The following RNF8 variants were observed in gnomAD, a reference collection of about 807,000 sequenced individuals.
RNF8 encodes ring finger protein 8.
RNF8 carries 8 observed loss-of-function variants against 59.3 expected under a neutral mutation model. The observed-to-expected ratio is 0.13, with a 90% CI of 0.08 to 0.24. RNF8 has a LOEUF of 0.24. RNF8 is among the 10% of genes least tolerant of loss of function. The probability of loss-of-function intolerance (pLI) is 1.00; values close to 1 mark genes in which losing one functional copy is unlikely to be tolerated. For synonymous variants in RNF8, 162 were observed against 200.0 expected, an observed-to-expected ratio of 0.81 and a Z score of 1.60; for missense variants, 406 against 572.6, an observed-to-expected ratio of 0.71 and a Z score of 2.97.
intron 6 of RNF8, among the ~76,000 whole-genome samples, chr6:37,377,749 T>C (rs555495866): frequency 6.6e-6 from 1 of 152,346 alleles, no homozygotes; most frequent in Non-Finnish European, 1.5e-5. Flanking sequence ...AATATGCTTA[T>C]AGTGCAACCT....
Position 37,394,227 on chromosome 6 carries a change from T to C in RNF8, c.*3469T>C, listed in dbSNP as rs866506234. On this transcript the variant is annotated 3_prime_UTR_variant, in exon 8 of 8. Coordinates refer to ENST00000373479, the MANE Select transcript of RNF8 (RefSeq NM_003958.4). ...GGCCTGATTGGAACAGGATCTGCCA[T>C]TGGTCACAATAGGTCAAGGGCTTGT... The C allele has an allele frequency of 2.2e-4, 34 of 152,298 alleles. No homozygotes were observed. The highest frequency in any genetic ancestry group is 6.5e-4 in the African/African-American group (27 of 41,558). The allele number at this position is 152,298 out of a possible 1,614,324, so 9.4% of individuals were successfully genotyped here. A position where few individuals can be genotyped will look rare whatever the true frequency, so the allele number is the denominator to read the frequency against.
Position 37,354,136 on chromosome 6 carries a change from T to C in RNF8, c.-29T>C. The stretch of plus-strand genomic sequence containing the variant: ...GAACCTAGGTCAGGGTCTCGCTCGG[T>C]GCTGACCGCCCCCGGGGTCGAGTAG... On this transcript the variant is annotated 5_prime_UTR_variant, in exon 1 of 8. Transcript: ENST00000373479. The C allele has an allele frequency of 6.4e-7, 1 of 1,552,170 alleles. No individual in the cohort carries two copies. The highest frequency in any genetic ancestry group is 8.7e-7 in the Non-Finnish European group (1 of 1,146,014).
intron 4 of RNF8, 53 bp from the exon 5 acceptor site, chr6:37,374,567 A>AG: frequency 7.4e-7 from 1 of 1,352,802 alleles, no homozygotes; most frequent in Non-Finnish European, 1.1e-6. Flanking sequence ...TGTGGCTAAA[A>AG]GGAAGGATGC....
At chr6:37,363,551 A>T (rs1769412104) in intron 2 of RNF8, among the ~76,000 whole-genome samples, 1 of 152,228 alleles carries the variant, frequency 6.6e-6, no homozygotes, top group Non-Finnish European at 1.5e-5. Context: ...TTTAAATTAA[A>T]ACCATAATGG....
chr6:37,363,395 C>T (rs1253340995), intron 2 of RNF8, among the ~76,000 whole-genome samples: 3 of 152,124 alleles, frequency 2.0e-5, no homozygotes, highest in Non-Finnish European at 2.9e-5. Context: ...ACATTATAGT[C>T]AATGAAGGGT....
At chr6:37,381,445 TAAAC>T in intron 7 of RNF8, 91 bp downstream of exon 7, 1 of 1,159,188 alleles carries the variant, frequency 8.6e-7, no homozygotes, top group Non-Finnish European at 1.2e-6. Context: ...AAGAGTCAGA[TAAAC>T]AATTCTTGAA....
intron 4 of RNF8, among the ~76,000 whole-genome samples, chr6:37,372,686 T>C (rs1562091503): frequency 6.6e-6 from 1 of 152,202 alleles, no homozygotes; most frequent in Non-Finnish European, 1.5e-5. Context: ...GTGATACTTT[T>C]AGACCGGGCA....
At chr6:37,370,628 C>G (rs1769761764) in intron 3 of RNF8, among the ~76,000 whole-genome samples, 2 of 151,680 alleles carry the variant, frequency 1.3e-5, no homozygotes, top group Admixed American at 1.3e-4. Context: ...CTCCCTCTGC[C>G]CACCAAGCCC....
chr6:37,375,949 C>T (rs905891126), intron 5 of RNF8, among the ~76,000 whole-genome samples: 6 of 152,096 alleles, frequency 3.9e-5, no homozygotes, highest in East Asian at 1.9e-4. Flanking sequence ...TGGGGAAAGC[C>T]GGGGAGATGG....
intron 5 of RNF8, among the ~76,000 whole-genome samples, chr6:37,376,395 A>G (rs1375996599): frequency 6.6e-6 from 1 of 152,236 alleles, no homozygotes; most frequent in Non-Finnish European, 1.5e-5. Context: ...TGCGTAGCTT[A>G]AAAACAACAG....
At chr6:37,374,192 G>T (rs1484355660) in intron 4 of RNF8, among the ~76,000 whole-genome samples, 1 of 152,146 alleles carries the variant, frequency 6.6e-6, no homozygotes, top group African/African-American at 2.4e-5. Flanking sequence ...CATAAAAGCT[G>T]CTTCCAGTTC....
chr6:37,371,113 G>T (rs1012473708), intron 3 of RNF8, among the ~76,000 whole-genome samples: 1 of 152,146 alleles, frequency 6.6e-6, no homozygotes, highest in Non-Finnish European at 1.5e-5. Context: ...GGCCAGAGTA[G>T]AGGGAAAAGA....
chr6:37,363,766 C>G (rs1354407144), intron 2 of RNF8, among the ~76,000 whole-genome samples: 1 of 152,144 alleles, frequency 6.6e-6, no homozygotes, highest in East Asian at 1.9e-4. Context: ...GGAAACAGCC[C>G]AAATGTCCAT....
chr6:37,360,416 G>A lies in RNF8; in HGVS notation c.112-30G>A. 6.2e-7 allele frequency: 1 copy of A among 1,605,058 alleles called. No homozygotes were observed. Among genetic ancestry groups the A allele is most frequent in the Non-Finnish European group, 8.5e-7 (1 of 1,178,826 alleles). ...CTCCCTTTTCAGCACAATGACTGAT[G>A]GTATTTCTTGCATTGTTGTTGTCTC... On this transcript the variant is annotated intron_variant, in intron 1 of 7. Coordinates refer to ENST00000373479, the MANE Select transcript of RNF8 (RefSeq NM_003958.4). The surrounding 1 kb of genome is among the most constrained non-coding windows in gnomAD (Gnocchi z 4.2).
At chr6:37,383,728 G>C (rs758644405) in intron 7 of RNF8, among the ~76,000 whole-genome samples, 5 of 152,218 alleles carry the variant, frequency 3.3e-5, no homozygotes, top group Non-Finnish European at 5.9e-5. Flanking sequence ...AGGATGCTGG[G>C]TCCTGAGTTG....
intron 2 of RNF8, among the ~76,000 whole-genome samples, chr6:37,362,141 C>T (rs929248822): frequency 6.6e-6 from 1 of 152,174 alleles, no homozygotes; most frequent in Non-Finnish European, 1.5e-5. Context: ...TTTTCCTCAT[C>T]AGAGTAGGCT....
rs1770809719 is a variant in RNF8 at position 37,394,572 on chromosome 6, T to C, written c.*3814T>C. The C allele has an allele frequency of 6.6e-6, 1 of 152,206 alleles. No homozygotes were observed. 9.4% of individuals were successfully genotyped at this position (152,206 alleles called of 1,614,324 possible). On this transcript the variant is annotated 3_prime_UTR_variant, in exon 8 of 8. Coordinates refer to ENST00000373479, the MANE Select transcript of RNF8 (RefSeq NM_003958.4). ...CATCTAGTCGCCAAGCAGTATCTCCTGCTTGCTGCTGCTTTACTACATTCC... is the reference window on the plus strand; with the variant it reads ...CATCTAGTCGCCAAGCAGTATCTCCCGCTTGCTGCTGCTTTACTACATTCC...
intron 7 of RNF8, among the ~76,000 whole-genome samples, chr6:37,389,246 A>G (rs900760064): frequency 2.0e-5 from 3 of 151,968 alleles, no homozygotes; most frequent in Non-Finnish European, 2.9e-5. Context: ...GACATTAAAC[A>G]AGATAAGGAT....
intron 1 of RNF8, 93 bp downstream of exon 1, chr6:37,354,368 A>C: frequency 1.0e-6 from 1 of 978,946 alleles, no homozygotes; most frequent in Non-Finnish European, 1.5e-6. Flanking sequence ...GGCTGAATGA[A>C]TGGCAGAGAG....
Sources: gnomAD v4.1 joint callset for allele counts (sites outside exome capture counted in the v4.1 genomes callset) on GRCh38, gnomAD v4.1.1 for gene constraint, Gnocchi (gnomAD v3.1) non-coding constraint, MANE v1.5 for transcripts, NCBI Gene and HGNC (gene_info 2026-07-23, HGNC 2026-07-21) for gene names.